KAT6A: variants seen among roughly 807,000 people sequenced by gnomAD.
KAT6A encodes the protein histone acetyltransferase KAT6A.
Under a neutral mutation model 198.4 loss-of-function variants are expected in KAT6A, and 9 were observed. The ratio of observed to expected loss-of-function variants is 0.05; its 90% CI spans 0.03 to 0.08. The LOEUF (loss-of-function observed/expected upper bound fraction) is 0.08. KAT6A is among the 10% of genes least tolerant of loss of function. The pLI is 1.00. For missense variants in KAT6A, 2,077 were observed against 2,509.9 expected (o/e 0.83, Z 3.69); for synonymous variants, 890 against 883.0 (o/e 1.01, Z -0.14).
intron 10 of KAT6A, among the ~76,000 whole-genome samples, chr8:41,948,741 A>G (rs997819738): frequency 2.0e-5 from 3 of 152,184 alleles, no homozygotes; most frequent in Non-Finnish European, 4.4e-5. Context: ...GGACCAAGAA[A>G]AGTGAGAGAC....
chr8:42,050,051 C>G (rs1205710539), intron 1 of KAT6A, among the ~76,000 whole-genome samples: 1 of 140,832 alleles, frequency 7.1e-6, no homozygotes, highest in Non-Finnish European at 1.6e-5. Flanking sequence ...AACTGTCAAA[C>G]TGCGTGTAAG....
At chr8:42,050,328 A>G (rs143529911) in intron 1 of KAT6A, among the ~76,000 whole-genome samples, 3 of 152,356 alleles carry the variant, frequency 2.0e-5, no homozygotes, top group African/African-American at 7.2e-5. Flanking sequence ...TTTAATCACT[A>G]AAGTACTGAA....
chr8:42,034,844 G>C (rs1827291792), intron 2 of KAT6A, among the ~76,000 whole-genome samples: 1 of 152,160 alleles, frequency 6.6e-6, no homozygotes, highest in Non-Finnish European at 1.5e-5. Context: ...TTCACTATGA[G>C]ATAAGCACTG....
intron 2 of KAT6A, among the ~76,000 whole-genome samples, chr8:42,000,699 A>G (rs912461332): frequency 5.3e-5 from 8 of 152,250 alleles, no homozygotes; most frequent in Non-Finnish European, 8.8e-5. Context: ...ACAAATCGGC[A>G]TATAGCATCA....
At chr8:41,981,045 C>T (rs77532956) in intron 4 of KAT6A, 118 bp from the exon 5 acceptor site, 6 of 742,054 alleles carry the variant, frequency 8.1e-6, no homozygotes, top group Admixed American at 4.0e-5. Context: ...ATAAGCCAGG[C>T]GCAATGGCTC....
intron 5 of KAT6A, among the ~76,000 whole-genome samples, chr8:41,979,386 C>T (rs1377483548): frequency 6.6e-6 from 1 of 152,012 alleles, no homozygotes; most frequent in Admixed American, 6.6e-5. Context: ...TGCCTGTAAT[C>T]CCATCACTTT....
chr8:41,936,175 T>C (rs1304481575), intron 16 of KAT6A, among the ~76,000 whole-genome samples: 2 of 152,166 alleles, frequency 1.3e-5, no homozygotes, highest in African/African-American at 2.4e-5. Context: ...GGCACGAGAA[T>C]CGCTTGAACC....
At chr8:41,987,906 T>C (rs1209074742) in intron 2 of KAT6A, among the ~76,000 whole-genome samples, 1 of 152,178 alleles carries the variant, frequency 6.6e-6, no homozygotes, top group Non-Finnish European at 1.5e-5. Context: ...GTGTAAGCGC[T>C]GAAAAAGCAT....
Position 41,937,290 on chromosome 8 carries a change from A to T in KAT6A, c.3318T>A (p.Asp1106Glu). ...CQSSSKRKSK[D>E]EEEDEESDDA... ...CATCTGACTCTTCATCTTCTTCTTCATCTTTAGACTTCCTCTTAGAAGAGG... is the reference window on the plus strand; with the variant it reads ...CATCTGACTCTTCATCTTCTTCTTCTTCTTTAGACTTCCTCTTAGAAGAGG... Residue 1106 changes from aspartate to glutamate, a missense_variant, in exon 16 of 17, where the codon GAT (aspartate) becomes GAA (glutamate). By Grantham distance (45) the Asp-to-Glu change is conservative. Coordinates refer to ENST00000265713, the MANE Select transcript of KAT6A (RefSeq NM_006766.5). The T allele has an allele frequency of 6.2e-7, 1 of 1,613,864 alleles. No homozygotes were observed. The highest frequency in any genetic ancestry group is 8.5e-7 in the Non-Finnish European group (1 of 1,179,864).
At chr8:42,035,809 G>C (rs1827347656) in intron 2 of KAT6A, among the ~76,000 whole-genome samples, 1 of 152,216 alleles carries the variant, frequency 6.6e-6, no homozygotes, top group Non-Finnish European at 1.5e-5. Flanking sequence ...AATGGAAACA[G>C]ACAGGGTATA....
Position 41,934,148 on chromosome 8 carries a change from T to C in KAT6A, c.4072A>G (p.Lys1358Glu). ...TTATCCTTTATCTTTTCCCTACTCTTCTGCATATTAGCATCTAAAAAAGAC... is the reference window on the plus strand; with the variant it reads ...TTATCCTTTATCTTTTCCCTACTCTCCTGCATATTAGCATCTAAAAAAGAC... ...QESFLDANMQ[K>E]SREKIKDKEE... Residue 1358 changes from lysine to glutamate, a missense_variant, in exon 17 of 17, where the codon AAG (lysine) becomes GAG (glutamate). By Grantham distance (56) the Lys-to-Glu change is moderately conservative (BLOSUM62 1). Around this residue, in one of 13 missense-constraint regions of KAT6A, gnomAD observed 375 missense variants for 383.0 expected, o/e 0.98. Coordinates refer to ENST00000265713, the MANE Select transcript of KAT6A (RefSeq NM_006766.5). 1 of 1,614,178 alleles carries C rather than the reference T, an allele frequency of 6.2e-7. No homozygotes were observed. The highest frequency in any genetic ancestry group is 1.1e-5 in the South Asian group (1 of 91,084).
chr8:41,965,286 CAT>C (rs1473433417), intron 8 of KAT6A, among the ~76,000 whole-genome samples: 1 of 152,236 alleles, frequency 6.6e-6, no homozygotes, highest in East Asian at 1.9e-4. Context: ...ATAATTTTCA[CAT>C]GTCCATAAAT....
intron 11 of KAT6A, among the ~76,000 whole-genome samples, chr8:41,947,242 A>C (rs1040456482): frequency 6.6e-6 from 1 of 151,726 alleles, no homozygotes; most frequent in Non-Finnish European, 1.5e-5. Flanking sequence ...TACTTCCCCT[A>C]ACTGTTTTAT....
intron 2 of KAT6A, among the ~76,000 whole-genome samples, chr8:42,043,207 TAATG>T (rs1392766048): frequency 6.6e-6 from 1 of 152,188 alleles, no homozygotes; most frequent in East Asian, 1.9e-4. Context: ...GCTAAATAAA[TAATG>T]AATAACTGAA....
chr8:41,950,637 T>G (rs1195436099), intron 9 of KAT6A, among the ~76,000 whole-genome samples: 6 of 151,872 alleles, frequency 4.0e-5, no homozygotes. Flanking sequence ...TAAAAAATTT[T>G]GTGCTTTTTA....
intron 2 of KAT6A, among the ~76,000 whole-genome samples, chr8:42,031,132 G>A (rs989038859): frequency 6.6e-6 from 1 of 151,586 alleles, no homozygotes; most frequent in Non-Finnish European, 1.5e-5. Flanking sequence ...ACAGCTCACC[G>A]GCTGCCTCCC....
At chr8:42,028,827 G>A (rs758591089) in intron 2 of KAT6A, among the ~76,000 whole-genome samples, 2 of 152,070 alleles carry the variant, frequency 1.3e-5, no homozygotes, top group African/African-American at 2.4e-5. Context: ...ACTGCAGTTT[G>A]GTAATTTCCT....
At chr8:42,011,076 C>G (rs754884735) in intron 2 of KAT6A, among the ~76,000 whole-genome samples, 1 of 152,184 alleles carries the variant, frequency 6.6e-6, no homozygotes, top group Non-Finnish European at 1.5e-5. Flanking sequence ...TCATTCCTTA[C>G]AGTTTGGTCC....
intron 2 of KAT6A, among the ~76,000 whole-genome samples, chr8:42,016,196 T>C (rs1056377992): frequency 6.6e-6 from 1 of 152,248 alleles, no homozygotes; most frequent in Non-Finnish European, 1.5e-5. Context: ...CTTCGCTATG[T>C]TTATGTGAAA....
Sources: allele counts gnomAD v4.1 joint callset (sites outside exome capture counted in the v4.1 genomes callset), GRCh38; gene constraint gnomAD v4.1.1; regional missense constraint gnomAD v4.1.1; transcripts MANE v1.5; gene names NCBI Gene and HGNC (gene_info 2026-07-23, HGNC 2026-07-21).